TMEM132D: variants seen among roughly 807,000 people sequenced by gnomAD.
The protein encoded by TMEM132D is transmembrane protein 132D, also known as mature OL transmembrane protein.
A neutral mutation model predicts 62.3 loss-of-function variants in TMEM132D; 21 were observed. The ratio of observed to expected loss-of-function variants is 0.34; its 90% CI spans 0.24 to 0.49. The LOEUF (loss-of-function observed/expected upper bound fraction) is 0.49, where lower values mean the gene tolerates loss of function less well. TMEM132D is among the 20% of genes least tolerant of loss of function. The pLI is 0.99. For synonymous variants in TMEM132D, 621 were observed against 575.6 expected (o/e 1.08, Z -1.13); for missense variants, 1,346 against 1,402.8 (o/e 0.96, Z 0.65).
chr12:129,201,456 C>A, intron 5 of TMEM132D, among the ~76,000 whole-genome samples: 1 of 152,122 alleles, frequency 6.6e-6, no homozygotes, highest in East Asian at 1.9e-4. Flanking sequence ...CACAGGTTGG[C>A]CCTGGGGGAC....
intron 1 of TMEM132D, among the ~76,000 whole-genome samples, chr12:129,887,695 A>T (rs1051749006): frequency 3.5e-4 from 53 of 152,322 alleles, no homozygotes; most frequent in Admixed American, 2.6e-3. Flanking sequence ...ATAGTAAAAA[A>T]ATGTGACATT....
chr12:129,111,824 C>T (rs1423306042), intron 5 of TMEM132D, among the ~76,000 whole-genome samples: 2 of 152,136 alleles, frequency 1.3e-5, no homozygotes, highest in African/African-American at 2.4e-5. Flanking sequence ...CTGTCCAAAA[C>T]GTGCATTTCG....
chr12:129,654,679 TCGGCTTGCTGAAAGTACA>T (rs1048705384), intron 2 of TMEM132D, among the ~76,000 whole-genome samples: 28 of 152,300 alleles, frequency 1.8e-4, no homozygotes, highest in Admixed American at 1.8e-3. Context: ...ATTTGGACCC[TCGGCTTGCTGAAAGTACA>T]CAACCTCCCA....
In TMEM132D at chr12:129,123,731, C is replaced by T. The variant is rs184509807; in HGVS notation, c.1444-39029G>A. Reference sequence around the variant, plus strand: ...TAAACCAGATTCATCCTCCCCAGTGCGGATGGGCCTCATCCAGTCTGTTGG... The same window carrying T: ...TAAACCAGATTCATCCTCCCCAGTGTGGATGGGCCTCATCCAGTCTGTTGG... On this transcript the variant is annotated intron_variant, in intron 5 of 8. Transcript: ENST00000422113. Among the ~76,000 whole-genome samples the T allele has an allele frequency of 8.5e-5, 13 of 152,282 alleles. 1 individual carries two copies. The highest frequency in any genetic ancestry group is 6.2e-4 in the South Asian group (3 of 4,816).
chr12:129,760,254 C>T (rs897146082), intron 1 of TMEM132D, among the ~76,000 whole-genome samples: 3 of 151,474 alleles, frequency 2.0e-5, no homozygotes, highest in African/African-American at 7.3e-5. Context: ...CCCAGTATCC[C>T]CTGAAACCTG....
intron 2 of TMEM132D, among the ~76,000 whole-genome samples, chr12:129,550,118 A>C (rs1204803164): frequency 6.6e-6 from 1 of 152,222 alleles, no homozygotes; most frequent in Non-Finnish European, 1.5e-5. Flanking sequence ...GGTTGTCATG[A>C]GAAAGATTAA....
At chr12:129,366,014 G>C (rs1414403344) in intron 3 of TMEM132D, among the ~76,000 whole-genome samples, 1 of 151,344 alleles carries the variant, frequency 6.6e-6, no homozygotes, top group African/African-American at 2.4e-5. Context: ...TAGTCACTCA[G>C]GGCTTGATGT....
intron 3 of TMEM132D, among the ~76,000 whole-genome samples, chr12:129,339,577 A>C (rs527882506): frequency 1.3e-5 from 2 of 152,286 alleles, no homozygotes; most frequent in East Asian, 3.9e-4. Flanking sequence ...TTTTTCTCCC[A>C]TACCTTTCTT....
In TMEM132D at chr12:129,105,948, CT is replaced by C. The variant is rs375328442; in HGVS notation, c.1444-21247del. Among the ~76,000 whole-genome samples the C allele has an allele frequency of 1.8e-4, 28 of 151,490 alleles. No homozygotes were observed. The East Asian group carries it at 4.6e-3, about 25-fold the overall frequency. On this transcript the variant is annotated intron_variant, in intron 5 of 8. Coordinates refer to ENST00000422113, the MANE Select transcript of TMEM132D (RefSeq NM_133448.3). ...ACCCAAAGGACTATAAATCATGCTG[CT>C]ATAAAGACACATGCACATGTATGTT... is the stretch of plus-strand genomic sequence containing the variant.
chr12:129,404,408 G>A (rs941178676), intron 3 of TMEM132D, among the ~76,000 whole-genome samples: 4 of 152,122 alleles, frequency 2.6e-5, no homozygotes, highest in African/African-American at 9.7e-5. Flanking sequence ...TAATGGCCAG[G>A]CTGGTCTCGA....
chr12:129,455,163 G>T (rs534570716), intron 3 of TMEM132D, among the ~76,000 whole-genome samples: 2 of 152,318 alleles, frequency 1.3e-5, no homozygotes, highest in African/African-American at 4.8e-5. Flanking sequence ...TTATGAAAGT[G>T]TATTCAAAGA....
chr12:129,810,632 AC>A (rs1872144959), intron 1 of TMEM132D, among the ~76,000 whole-genome samples: 1 of 152,146 alleles, frequency 6.6e-6, no homozygotes, highest in Non-Finnish European at 1.5e-5. Context: ...CCCCCAAAAT[AC>A]CAGTGCAAAG....
At chr12:129,626,659 G>A (rs184212727) in intron 2 of TMEM132D, among the ~76,000 whole-genome samples, 67 of 152,196 alleles carry the variant, frequency 4.4e-4, no homozygotes, top group Admixed American at 8.5e-4. Context: ...GTTTCACCAT[G>A]TTGGCTAGTC....
intron 3 of TMEM132D, among the ~76,000 whole-genome samples, chr12:129,403,606 A>G (rs1299824727): frequency 6.6e-6 from 1 of 152,154 alleles, no homozygotes; most frequent in African/African-American, 2.4e-5. Flanking sequence ...GCAATCTGCT[A>G]ATATTCATGA....
chr12:129,251,375 A>G (rs1880261275), intron 4 of TMEM132D, among the ~76,000 whole-genome samples: 1 of 150,792 alleles, frequency 6.6e-6, no homozygotes, highest in Admixed American at 6.8e-5. Flanking sequence ...AAAAAAAAAA[A>G]AAAAAAAAGA....
rs1489802639 is a variant in TMEM132D at position 129,903,202 on chromosome 12, C to T, written c.79+59G>A. 2 of 1,530,856 alleles carry T rather than the reference C, an allele frequency of 1.3e-6. No homozygotes were observed. 94.8% of individuals were successfully genotyped at this position (1,530,856 alleles called of 1,614,324 possible). A position where few individuals can be genotyped will look rare whatever the true frequency, so the allele number is the denominator to read the frequency against. ...GGCCGCCCCCATCCTCCACACACTC[C>T]CACACACTCACTCCAGGCGAAGTTA... On this transcript the variant is annotated intron_variant, in intron 1 of 8. Transcript: ENST00000422113. The surrounding 1 kb of genome is among the most constrained non-coding windows in gnomAD (Gnocchi z 6.2).
chr12:129,243,877 T>C (rs1031585994), intron 4 of TMEM132D, among the ~76,000 whole-genome samples: 15 of 152,218 alleles, frequency 9.9e-5, no homozygotes, highest in Admixed American at 9.2e-4. Context: ...TAATGCTACA[T>C]CTTGGCATTT....
intron 1 of TMEM132D, among the ~76,000 whole-genome samples, chr12:129,721,868 T>C (rs528432326): frequency 4.6e-5 from 7 of 152,368 alleles, no homozygotes; most frequent in African/African-American, 1.4e-4. Context: ...CACCAGCCAG[T>C]TGGCCATACC....
chr12:129,180,033 G>T (rs11830843), intron 5 of TMEM132D, among the ~76,000 whole-genome samples: 7,105 of 113,210 alleles, frequency 0.063, 549 homozygotes, highest in African/African-American at 0.2. Flanking sequence ...ATCTCAAAAA[G>T]AAAATAAAAA....
Sources: gnomAD v4.1 joint callset for allele counts (sites outside exome capture counted in the v4.1 genomes callset) on GRCh38, gnomAD v4.1.1 for gene constraint, Gnocchi (gnomAD v3.1) non-coding constraint, MANE v1.5 for transcripts, NCBI Gene and HGNC (gene_info 2026-07-23, HGNC 2026-07-21) for gene names.